The following ZFR2 variants were observed in gnomAD, a reference collection of about 807,000 sequenced individuals.
The protein encoded by ZFR2 is zinc finger RNA binding protein 2.
A neutral mutation model predicts 105.7 loss-of-function variants in ZFR2; 104 were observed. The ratio of observed to expected loss-of-function variants is 0.98; its 90% CI spans 0.84 to 1.16. ZFR2 has a LOEUF of 1.16. Ranked by LOEUF, ZFR2 falls within the 50% of genes most tolerant of loss-of-function variation. The probability of loss-of-function intolerance (pLI) is 0.00; values close to 1 mark genes in which losing one functional copy is unlikely to be tolerated. For synonymous variants in ZFR2, 634 were observed against 597.7 expected, an observed-to-expected ratio of 1.06 and a Z score of -0.89; for missense variants, 1,425 against 1,355.5, an observed-to-expected ratio of 1.05 and a Z score of -0.80.
At chr19:3,842,261 G>T (rs535217192) in intron 1 of ZFR2, among the ~76,000 whole-genome samples, 52 of 152,086 alleles carry the variant, frequency 3.4e-4, no homozygotes, top group African/African-American at 1.2e-3. Context: ...TGATCTGCCC[G>T]CCTCGGCTTC....
chr19:3,817,592 A>C (rs1173276586), intron 12 of ZFR2, among the ~76,000 whole-genome samples: 3 of 140,918 alleles, frequency 2.1e-5, no homozygotes, highest in Non-Finnish European at 4.6e-5. Flanking sequence ...AATAATAATA[A>C]TAATAATAAT....
In ZFR2 at chr19:3,816,778, G is replaced by A. The variant is rs1164077810; in HGVS notation, c.1999C>T (p.Leu667Phe). ...CGCACGTTCCTGTCCCCACGCAGGA[G>A]GAGGCCTTTCGCCAGGATGCCTACT... is the stretch of plus-strand genomic sequence containing the variant. Reference protein sequence around the residue: ...MRVGILAKGLLLRGDRNVRLA... With the variant: ...MRVGILAKGLFLRGDRNVRLA... The change falls in exon 13 of 19, where the codon CTC becomes TTC. Residue 667 changes from leucine (L) to phenylalanine (F), a missense_variant. Coordinates refer to ENST00000262961, the MANE Select transcript of ZFR2 (RefSeq NM_015174.2). 2 of 1,607,604 alleles carry A rather than the reference G, an allele frequency of 1.2e-6. No homozygotes were observed. The highest frequency in any genetic ancestry group is 1.7e-6 in the Non-Finnish European group (2 of 1,178,014).
intron 1 of ZFR2, among the ~76,000 whole-genome samples, chr19:3,841,710 C>T (rs562651341): frequency 1.2e-4 from 18 of 151,926 alleles, no homozygotes; most frequent in African/African-American, 4.1e-4. Context: ...GGACTTGAGG[C>T]GGGAGGATCG....
At chr19:3,841,516 C>T (rs1216577297) in intron 1 of ZFR2, among the ~76,000 whole-genome samples, 2 of 151,996 alleles carry the variant, frequency 1.3e-5, no homozygotes, top group Non-Finnish European at 2.9e-5. Flanking sequence ...CAGACCCTGT[C>T]CCTACAAAAA....
chr19:3,866,008 AT>A, intron 1 of ZFR2, among the ~76,000 whole-genome samples: 1 of 151,974 alleles, frequency 6.6e-6, no homozygotes, highest in Non-Finnish European at 1.5e-5. Context: ...CGCCCGGCTA[AT>A]TTTTGTATTT....
chr19:3,813,012 G>A lies in ZFR2; in HGVS notation c.2242+808C>T, dbSNP rs577393550. ...GGAGAATCGCTTGAACCCAGGCGGC[G>A]GAAGTTGCAGTGAGCTGAGATTGCG... is the stretch of plus-strand genomic sequence containing the variant. On this transcript the variant is annotated intron_variant, in intron 14 of 18. Transcript: ENST00000262961. The surrounding 1 kb of genome is among the most constrained non-coding windows in gnomAD (Gnocchi z 4.4). Among the ~76,000 whole-genome samples the A allele has an allele frequency of 8.5e-5, 13 of 152,246 alleles. No homozygotes were observed. In the East Asian group the frequency reaches 1.9e-3, roughly 23 times the overall value.
chr19:3,806,164 T>C (rs8109765), intron 18 of ZFR2, 39 bp from the exon 19 acceptor site: 639,227 of 1,392,926 alleles, frequency 0.46, 149,645 homozygotes, highest in African/African-American at 0.66. Context: ...CCCCGCCCGC[T>C]CTGCTCCCCG....
intron 1 of ZFR2, among the ~76,000 whole-genome samples, chr19:3,847,499 G>A (rs919431742): frequency 9.9e-5 from 15 of 152,064 alleles, no homozygotes; most frequent in African/African-American, 3.6e-4. Flanking sequence ...ACTCCAGCCT[G>A]GGCAACAGAG....
At position 3,846,223 on chromosome 19, in the gene ZFR2, C is replaced by T. The variant is rs981831504; in HGVS notation, c.54-11240G>A. Among the ~76,000 whole-genome samples the T allele has an allele frequency of 2.6e-5, 4 of 152,318 alleles. No individual in the cohort carries two copies. In the East Asian group the frequency reaches 5.8e-4, roughly 22 times the overall value. ...AACGCCTGACCTTAGGTGATCCACC[C>T]GCCTCAGCCTCCCACAGTGCTGGGA... On this transcript the variant is annotated intron_variant, in intron 1 of 18. Transcript: ENST00000262961.
At chr19:3,851,094 T>C (rs965010760) in intron 1 of ZFR2, among the ~76,000 whole-genome samples, 8 of 151,876 alleles carry the variant, frequency 5.3e-5, no homozygotes, top group Non-Finnish European at 1.2e-4. Flanking sequence ...TGTTTAAGCC[T>C]CAGTCTGTGG....
intron 1 of ZFR2, among the ~76,000 whole-genome samples, chr19:3,836,435 C>T (rs1488211283): frequency 6.6e-6 from 1 of 152,190 alleles, no homozygotes; most frequent in Non-Finnish European, 1.5e-5. Flanking sequence ...AGCAACCCTG[C>T]CTCAGCCTCT....
At chr19:3,861,576 T>C (rs908060402) in intron 1 of ZFR2, among the ~76,000 whole-genome samples, 6 of 151,980 alleles carry the variant, frequency 3.9e-5, no homozygotes, top group Non-Finnish European at 1.5e-5. Flanking sequence ...CATTAAGTTA[T>C]GACCACACCA....
intron 1 of ZFR2, among the ~76,000 whole-genome samples, chr19:3,845,198 G>A (rs1249897450): frequency 6.6e-6 from 1 of 152,122 alleles, no homozygotes; most frequent in African/African-American, 2.4e-5. Context: ...ATTCTGCATT[G>A]GGCTAAATTG....
At chr19:3,866,582 A>G (rs1376568567) in intron 1 of ZFR2, among the ~76,000 whole-genome samples, 1 of 152,256 alleles carries the variant, frequency 6.6e-6, no homozygotes, top group East Asian at 1.9e-4. Flanking sequence ...TTTGAACAAC[A>G]TAAACATTCA....
intron 1 of ZFR2, among the ~76,000 whole-genome samples, chr19:3,840,195 C>A (rs1268213788): frequency 6.6e-6 from 1 of 151,924 alleles, no homozygotes; most frequent in Non-Finnish European, 1.5e-5. Context: ...TCGCCCAGTA[C>A]AGAAGCAGCA....
At chr19:3,807,855 G>A (rs2037716980) in intron 17 of ZFR2, among the ~76,000 whole-genome samples, 1 of 151,010 alleles carries the variant, frequency 6.6e-6, no homozygotes, top group Non-Finnish European at 1.5e-5. Context: ...GTGCCCGTGT[G>A]TGTGCATGCA....
intron 16 of ZFR2, 56 bp from the exon 17 acceptor site, chr19:3,809,039 G>T: frequency 7.2e-7 from 1 of 1,395,882 alleles, no homozygotes. Context: ...GCCCCTGCCT[G>T]CCCGGGAGGT....
Position 3,805,898 on chromosome 19 carries a change from C to T in ZFR2, c.*51G>A, listed in dbSNP as rs1003769647. On this transcript the variant is annotated 3_prime_UTR_variant, in exon 19 of 19. Transcript: ENST00000262961. ...AAGCAGCCATTGGTCGGCGCGCACA[C>T]GTCCAGGAGTGCAGGGATGCAAAGG... 3 of 1,466,744 alleles carry T rather than the reference C, an allele frequency of 2.0e-6. No individual in the cohort carries two copies. Among genetic ancestry groups the T allele is most frequent in the Non-Finnish European group, 2.7e-6 (3 of 1,113,112 alleles). The allele number at this position is 1,466,744 out of a possible 1,614,324, so 90.9% of individuals were successfully genotyped here.
chr19:3,848,583 TG>T (rs1465836282), intron 1 of ZFR2, among the ~76,000 whole-genome samples: 1 of 151,788 alleles, frequency 6.6e-6, no homozygotes, highest in Non-Finnish European at 1.5e-5. Flanking sequence ...GTGGTGCACC[TG>T]CAGTCCCAGC....
Sources: gnomAD v4.1 joint callset for allele counts (sites outside exome capture counted in the v4.1 genomes callset) on GRCh38, gnomAD v4.1.1 for gene constraint, Gnocchi (gnomAD v3.1) non-coding constraint, MANE v1.5 for transcripts, NCBI Gene and HGNC (gene_info 2026-07-23, HGNC 2026-07-21) for gene names.